The following CECR2 variants were observed in gnomAD, a reference collection of about 807,000 sequenced individuals.
CECR2 encodes CECR2 histone acetyl-lysine reader.
CECR2 carries 30 observed loss-of-function variants against 154.5 expected under a neutral mutation model. That is an observed-to-expected ratio of 0.19 (90% CI 0.15 to 0.26). The LOEUF is 0.26. CECR2 is among the 10% of genes least tolerant of loss of function. CECR2 has a pLI of 1.00. For synonymous variants in CECR2, 725 were observed against 683.7 expected (o/e 1.06, Z -0.94); for missense variants, 1,743 against 1,829.3 (o/e 0.95, Z 0.86).
intron 1 of CECR2, among the ~76,000 whole-genome samples, chr22:17,471,882 C>CT (rs2055133892): frequency 1.3e-5 from 2 of 152,122 alleles, no homozygotes; most frequent in South Asian, 2.1e-4. Context: ...TCTTCTTAGC[C>CT]TTTTTTAACT....
At chr22:17,373,853 C>A (rs1269420360) in intron 1 of CECR2, among the ~76,000 whole-genome samples, 2 of 152,228 alleles carry the variant, frequency 1.3e-5, no homozygotes, top group African/African-American at 4.8e-5. Context: ...CAATTTTATA[C>A]CACTTCAGTT....
intron 7 of CECR2, among the ~76,000 whole-genome samples, chr22:17,506,227 T>C (rs79923304): frequency 0.12 from 17,980 of 152,002 alleles, 1,215 homozygotes; most frequent in Non-Finnish European, 0.16. Context: ...GCAGCCTCAA[T>C]CTCCCAGGCC....
At chr22:17,463,259 C>T (rs536825772) in intron 1 of CECR2, among the ~76,000 whole-genome samples, 1 of 152,172 alleles carries the variant, frequency 6.6e-6, no homozygotes, top group South Asian at 2.1e-4. Context: ...AGCGTGTCAG[C>T]AGGAGGCTGA....
chr22:17,512,878 G>A (rs957499486), intron 8 of CECR2, among the ~76,000 whole-genome samples: 29 of 152,052 alleles, frequency 1.9e-4, no homozygotes, highest in Non-Finnish European at 2.9e-5. Context: ...TCAAGACCTC[G>A]CCATGGAGGG....
rs961179986 is a variant in CECR2, at chr22:17,375,886, C to T, written c.126+5977C>T. 2.2e-4 allele frequency among the ~76,000 whole-genome samples: 33 copies of T among 151,108 alleles called. 2 individuals are homozygous for T. In the Middle Eastern group the frequency reaches 0.01, roughly 47 times the overall value. On this transcript the variant is annotated intron_variant, in intron 1 of 18. Transcript: ENST00000262608. ...AGGAGAATTCATTGGAGCCGGGAGACGGAGGTTGCGGTGAGCTGAGATCGC... is the reference window on the plus strand; with the variant it reads ...AGGAGAATTCATTGGAGCCGGGAGATGGAGGTTGCGGTGAGCTGAGATCGC...
At chr22:17,485,490 G>A (rs960010324) in intron 2 of CECR2, among the ~76,000 whole-genome samples, 3 of 152,184 alleles carry the variant, frequency 2.0e-5, no homozygotes, top group African/African-American at 4.8e-5. Flanking sequence ...AGTATTGGCC[G>A]GGCGTGGTGG....
chr22:17,364,562 T>C (rs1428260723), upstream of CECR2, among the ~76,000 whole-genome samples: 1 of 150,272 alleles, frequency 6.7e-6, no homozygotes. Context: ...CTTGTAACCC[T>C]GCTCACTTTG....
chr22:17,514,358 C>T (rs1423032301), intron 8 of CECR2, among the ~76,000 whole-genome samples: 1 of 152,178 alleles, frequency 6.6e-6, no homozygotes, highest in Non-Finnish European at 1.5e-5. Flanking sequence ...AAGGGCACAG[C>T]ATGTTGGGCA....
intron 1 of CECR2, among the ~76,000 whole-genome samples, chr22:17,439,639 T>C (rs1055714215): frequency 4.6e-5 from 7 of 152,168 alleles, no homozygotes; most frequent in African/African-American, 7.2e-5. Context: ...AACAAAAAAA[T>C]TAGACTGATC....
At chr22:17,382,111 T>A (rs5992039) in intron 1 of CECR2, among the ~76,000 whole-genome samples, 1 of 151,742 alleles carries the variant, frequency 6.6e-6, no homozygotes, top group East Asian at 1.9e-4. Flanking sequence ...AGGATGGTCT[T>A]GATCTCCTGA....
chr22:17,416,710 C>T (rs1023417032), intron 1 of CECR2, among the ~76,000 whole-genome samples: 15 of 152,086 alleles, frequency 9.9e-5, no homozygotes, highest in South Asian at 4.1e-4. Flanking sequence ...TGATGTTGGC[C>T]GAGCTGGTCT....
intron 1 of CECR2, among the ~76,000 whole-genome samples, chr22:17,403,725 T>G (rs959741169): frequency 2.6e-5 from 4 of 152,210 alleles, no homozygotes; most frequent in Non-Finnish European, 5.9e-5. Context: ...TTCTGCTCAT[T>G]TTAAAATTGG....
chr22:17,444,534 C>A (rs557111374), intron 1 of CECR2, among the ~76,000 whole-genome samples: 1 of 151,758 alleles, frequency 6.6e-6, no homozygotes, highest in Admixed American at 6.6e-5. Context: ...GACTGAGGCA[C>A]GAGAATCGCT....
intron 1 of CECR2, among the ~76,000 whole-genome samples, chr22:17,413,526 G>A (rs956916161): frequency 2.6e-5 from 4 of 152,068 alleles, no homozygotes; most frequent in Non-Finnish European, 5.9e-5. Context: ...AATAGGTAGA[G>A]TCCTTCACTG....
intron 1 of CECR2, among the ~76,000 whole-genome samples, chr22:17,475,088 A>T (rs561258022): frequency 6.6e-6 from 1 of 152,156 alleles, no homozygotes; most frequent in Non-Finnish European, 1.5e-5. Context: ...CTGGGGATGC[A>T]TGGACGCCAC....
chr22:17,415,833 C>T lies in CECR2; in HGVS notation c.126+45924C>T, dbSNP rs538931612. On this transcript the variant is annotated intron_variant, in intron 1 of 18. Coordinates refer to ENST00000262608, the MANE Select transcript of CECR2 (RefSeq NM_001290047.2). ...TCTACAAATAATTTGAAACTTTTAT[C>T]TCTCTGTTGTTTGTTCATCATCCCA... 5.3e-4 allele frequency among the ~76,000 whole-genome samples: 81 copies of T among 152,294 alleles called. 2 individuals carry two copies. In the South Asian group the frequency reaches 0.012, roughly 22 times the overall value.
At chr22:17,449,943 A>G (rs905619913) in intron 1 of CECR2, among the ~76,000 whole-genome samples, 1 of 152,228 alleles carries the variant, frequency 6.6e-6, no homozygotes, top group African/African-American at 2.4e-5. Flanking sequence ...ACATGTAGCC[A>G]CAATCCTATC....
chr22:17,535,922 C>T (rs2056430832), intron 9 of CECR2, among the ~76,000 whole-genome samples: 1 of 151,982 alleles, frequency 6.6e-6, no homozygotes, highest in Admixed American at 6.6e-5. Flanking sequence ...AGATCCTATC[C>T]CTTGTGGAAC....
At chr22:17,362,391 G>T (rs1285538965) in intron 1 of CECR2, among the ~76,000 whole-genome samples, 1 of 152,026 alleles carries the variant, frequency 6.6e-6, no homozygotes, top group Non-Finnish European at 1.5e-5. Flanking sequence ...GATTATTTAG[G>T]TTACTATAGA....
Sources: allele counts gnomAD v4.1 joint callset (sites outside exome capture counted in the v4.1 genomes callset), GRCh38; gene constraint gnomAD v4.1.1; transcripts MANE v1.5; gene names NCBI Gene and HGNC (gene_info 2026-07-23, HGNC 2026-07-21).